The following FREM2 variants were observed in gnomAD, a reference collection of about 807,000 sequenced individuals.
FREM2 encodes the protein FRAS1-related extracellular matrix protein 2.
A neutral mutation model predicts 219.9 loss-of-function variants in FREM2; 119 were observed. The ratio of observed to expected loss-of-function variants is 0.54; its 90% CI spans 0.47 to 0.63. FREM2 has a LOEUF of 0.63. Among genes scored for constraint, FREM2 ranks in the 30% least tolerant of loss-of-function variants. FREM2 has a pLI of 0.00. For missense variants in FREM2, 4,030 were observed against 3,993.6 expected (o/e 1.01, Z -0.25); for synonymous variants, 1,562 against 1,522.8 (o/e 1.03, Z -0.60).
chr13:38,881,207 A>T lies in FREM2; in HGVS notation c.*420A>T, dbSNP rs1475531678. ...TTGTTTATTAATTGTATAACAGATT[A>T]TTACTAGAAAGGTTTTTGTTGCTAG... is the stretch of plus-strand genomic sequence containing the variant. On this transcript the variant is annotated 3_prime_UTR_variant, in exon 24 of 24. Coordinates refer to ENST00000280481, the MANE Select transcript of FREM2 (RefSeq NM_207361.6). 4.1e-6 allele frequency: 1 copy of T among 245,960 alleles called. No individual in the cohort carries two copies. Among genetic ancestry groups the T allele is most frequent in the Non-Finnish European group, 8.0e-6 (1 of 125,738 alleles). 15.2% of individuals were successfully genotyped at this position (245,960 alleles called of 1,614,324 possible). A position where few individuals can be genotyped will look rare whatever the true frequency, so the allele number is the denominator to read the frequency against.
chr13:38,698,348 A>C (rs1870201008), intron 2 of FREM2, among the ~76,000 whole-genome samples: 1 of 151,966 alleles, frequency 6.6e-6, no homozygotes, highest in East Asian at 1.9e-4. Flanking sequence ...CCAGCTAAAA[A>C]TTTTTCTTGG....
At chr13:38,803,775 GGCAACATGGTGA>G (rs1449408890) in intron 6 of FREM2, among the ~76,000 whole-genome samples, 4 of 149,592 alleles carry the variant, frequency 2.7e-5, no homozygotes, top group African/African-American at 9.9e-5. Flanking sequence ...ACATGTAAAA[GGCAACATGGTGA>G]GCTCTGTGGT....
At position 38,808,798 on chromosome 13, in the gene FREM2, C is replaced by T. The variant is rs1324782492; in HGVS notation, c.6019+23990C>T. Among the ~76,000 whole-genome samples the T allele has an allele frequency of 2.0e-5, 3 of 151,998 alleles. No individual in the cohort carries two copies. The South Asian group carries it at 6.2e-4, about 32-fold the overall frequency. Reference sequence around the variant, plus strand: ...ATATTCTGAAAATTTTCAAAACGTGCTGCAGAGAAACAAAGTGAGAGCACA... The same window carrying T: ...ATATTCTGAAAATTTTCAAAACGTGTTGCAGAGAAACAAAGTGAGAGCACA... On this transcript the variant is annotated intron_variant, in intron 6 of 23. Coordinates refer to ENST00000280481, the MANE Select transcript of FREM2 (RefSeq NM_207361.6).
At chr13:38,868,259 A>G (rs1250721843) in intron 16 of FREM2, among the ~76,000 whole-genome samples, 2 of 152,230 alleles carry the variant, frequency 1.3e-5, no homozygotes, top group Non-Finnish European at 2.9e-5. Flanking sequence ...AGAACAAAAT[A>G]TCTAATAATA....
rs1261692110 is a variant in FREM2, at chr13:38,688,411, T to C, written c.1067T>C (p.Ile356Thr). The change falls in exon 1 of 24, where the codon ATC (isoleucine) becomes ACC (threonine). Residue 356 changes from isoleucine (I) to threonine (T), a missense_variant. Ile to Thr is a moderately conservative substitution (Grantham distance 89). Coordinates refer to ENST00000280481, the MANE Select transcript of FREM2 (RefSeq NM_207361.6). The stretch of plus-strand genomic sequence containing the variant: ...GCTGAGTCTCCCTCTGACCTGTTGA[T>C]CTTCAACCTTACTTCTCCATTCCAG... Reference protein sequence around the residue: ...EDAESPSDLLIFNLTSPFQPG... With the variant: ...EDAESPSDLLTFNLTSPFQPG... The C allele has an allele frequency of 6.2e-7, 1 of 1,613,852 alleles. No homozygotes were observed. Among genetic ancestry groups the C allele is most frequent in the African/African-American group, 1.3e-5 (1 of 74,932 alleles).
intron 2 of FREM2, among the ~76,000 whole-genome samples, chr13:38,760,713 C>G (rs1873193695): frequency 6.6e-6 from 1 of 152,154 alleles, no homozygotes; most frequent in Non-Finnish European, 1.5e-5. Flanking sequence ...GACCACTAAA[C>G]TTTCAGCCAA....
Position 38,783,075 on chromosome 13 carries a change from A to G in FREM2, c.5647A>G (p.Thr1883Ala), listed in dbSNP as rs764656746. 6.2e-7 allele frequency: 1 copy of G among 1,613,704 alleles called. No individual in the cohort carries two copies. Among genetic ancestry groups the G allele is most frequent in the South Asian group, 1.1e-5 (1 of 91,058 alleles). ...VEIVDPGDEP[T>A]VFIPQSKYSV... The stretch of plus-strand genomic sequence containing the variant: ...CAATTGTGTTTTCTCTCTAGAGCCA[A>G]CTGTGTTTATTCCCCAGTCCAAATA... The change falls in exon 5 of 24, where the codon ACT (threonine) becomes GCT (alanine). Residue 1883 changes from threonine to alanine, a missense_variant. Coordinates refer to ENST00000280481, the MANE Select transcript of FREM2 (RefSeq NM_207361.6).
chr13:38,877,246 A>G lies in FREM2; in HGVS notation c.8671+3A>G, dbSNP rs535915730. On this transcript the variant is annotated splice_donor_region_variant and intron_variant, in intron 21 of 23. Transcript: ENST00000280481. ...GAGTGATGTTGCTTTTGCAGAAGGT[A>G]TCACTTTACAAATGAGAGGGATGCT... 1.2e-6 allele frequency: 2 copies of G among 1,613,994 alleles called. No homozygotes were observed. The highest frequency in any genetic ancestry group is 2.7e-5 in the African/African-American group (2 of 75,046).
At position 38,687,331 on chromosome 13, in the gene FREM2, C is replaced by A; in HGVS notation, c.-14C>A. ...GCTCTCAGGCTGACCTGTCCAAGCC[C>A]GAACACCGGGACCATGCACTCAGCC... is the stretch of plus-strand genomic sequence containing the variant. On this transcript the variant is annotated 5_prime_UTR_variant, in exon 1 of 24. Coordinates refer to ENST00000280481, the MANE Select transcript of FREM2 (RefSeq NM_207361.6). 1 of 1,591,226 alleles carries A rather than the reference C, an allele frequency of 6.3e-7. No homozygotes were observed. Among genetic ancestry groups the A allele is most frequent in the East Asian group, 2.3e-5 (1 of 43,582 alleles).
intron 2 of FREM2, among the ~76,000 whole-genome samples, chr13:38,705,528 A>G (rs1380170404): frequency 6.6e-6 from 1 of 152,218 alleles, no homozygotes; most frequent in African/African-American, 2.4e-5. Context: ...GAGAGCTGGA[A>G]CAAATACTGC....
At chr13:38,860,051 TTGTG>T (rs1566169842) in intron 14 of FREM2, among the ~76,000 whole-genome samples, 24 of 151,928 alleles carry the variant, frequency 1.6e-4, no homozygotes, top group African/African-American at 5.6e-4. Flanking sequence ...ATGCGGGATA[TTGTG>T]GGAATGGCAA....
At chr13:38,868,132 C>T (rs1485672428) in intron 16 of FREM2, among the ~76,000 whole-genome samples, 1 of 152,144 alleles carries the variant, frequency 6.6e-6, no homozygotes, top group African/African-American at 2.4e-5. Context: ...TCAACATACA[C>T]GCACATATTA....
At chr13:38,722,825 T>C (rs1381693329) in intron 2 of FREM2, among the ~76,000 whole-genome samples, 5 of 150,012 alleles carry the variant, frequency 3.3e-5, no homozygotes, top group Non-Finnish European at 5.9e-5. Context: ...ATATCAAACA[T>C]AAGATTTCAA....
At position 38,861,677 on chromosome 13, in the gene FREM2, G is replaced by T. The variant is rs569718452; in HGVS notation, c.7651+115G>T. ...TAAATAAACGTTCAATTTGCAACTT[G>T]AGCTTCAAGTCCTTCCACTTCTTTC... On this transcript the variant is annotated intron_variant, in intron 15 of 23. Coordinates refer to ENST00000280481, the MANE Select transcript of FREM2 (RefSeq NM_207361.6). The T allele has an allele frequency of 2.8e-5, 32 of 1,132,242 alleles. 1 individual carries two copies. In the East Asian group the frequency reaches 7.3e-4, roughly 26 times the overall value. 70.1% of individuals were successfully genotyped at this position (1,132,242 alleles called of 1,614,324 possible).
chr13:38,816,724 G>A (rs9805487), intron 6 of FREM2, among the ~76,000 whole-genome samples: 9,932 of 152,016 alleles, frequency 0.065, 1,004 homozygotes, highest in African/African-American at 0.21. Flanking sequence ...AGACCTAGCC[G>A]GAGCAATTAG....
chr13:38,784,756 C>A lies in FREM2; in HGVS notation c.5967C>A (p.Ile1989=), dbSNP rs1593406413. The A allele has an allele frequency of 1.2e-6, 2 of 1,614,108 alleles. No homozygotes were observed. The highest frequency in any genetic ancestry group is 2.2e-5 in the East Asian group (1 of 44,860). ...TGAGCATGCCCATGGGGGGAAGAAT[C>A]GGATCAGAGTTCCCAGGGGCTCAAG... ...VLLSMPMGGR[I]GSEFPGAQVT... is the part of the protein sequence containing the mutation. The change falls in exon 6 of 24, where the codon ATC becomes ATA. Residue 1989 remains isoleucine, a synonymous_variant. Coordinates refer to ENST00000280481, the MANE Select transcript of FREM2 (RefSeq NM_207361.6).
intron 2 of FREM2, among the ~76,000 whole-genome samples, chr13:38,731,924 C>T (rs1438581095): frequency 1.3e-5 from 2 of 152,102 alleles, no homozygotes; most frequent in African/African-American, 2.4e-5. Context: ...AAAAGAAATC[C>T]CATGAATGAA....
chr13:38,720,799 A>G (rs949333056), intron 2 of FREM2, among the ~76,000 whole-genome samples: 1 of 152,204 alleles, frequency 6.6e-6, no homozygotes, highest in African/African-American at 2.4e-5. Context: ...TCTAGATAGG[A>G]TGAGTCCTCT....
chr13:38,756,524 CTTTTTTTT>C (rs1187227144), intron 2 of FREM2, among the ~76,000 whole-genome samples: 1 of 103,522 alleles, frequency 9.7e-6, no homozygotes, highest in Non-Finnish European at 2.0e-5. Context: ...GGTTGGGGAC[CTTTTTTTT>C]TTTTTTTTTT....
Sources: gnomAD v4.1 joint callset for allele counts (sites outside exome capture counted in the v4.1 genomes callset) on GRCh38, gnomAD v4.1.1 for gene constraint, MANE v1.5 for transcripts, NCBI Gene and HGNC (gene_info 2026-07-23, HGNC 2026-07-21) for gene names.